ZNF765: variants seen among roughly 807,000 people sequenced by gnomAD.
ZNF765 encodes zinc finger protein 765.
A neutral mutation model predicts 44.7 loss-of-function variants in ZNF765; 37 were observed. The observed-to-expected ratio is 0.83, with a 90% CI of 0.64 to 1.09. ZNF765 has a LOEUF of 1.09. Among genes scored for constraint, ZNF765 ranks in the 50% least tolerant of loss-of-function variants. The pLI is 0.00. For missense variants in ZNF765, 594 were observed against 626.1 expected (o/e 0.95, Z 0.55); for synonymous variants, 201 against 213.7 (o/e 0.94, Z 0.52).
downstream of ZNF765, among the ~76,000 whole-genome samples, chr19:53,414,303 G>T (rs1296514326): frequency 6.7e-6 from 1 of 149,922 alleles, no homozygotes. Context: ...TGCCACAGGG[G>T]AGAACCAGGT....
intron 3 of ZNF765, among the ~76,000 whole-genome samples, chr19:53,420,018 C>T (rs1478077290): frequency 2.1e-5 from 3 of 146,038 alleles, no homozygotes; most frequent in Non-Finnish European, 4.5e-5. Flanking sequence ...CAGATTCCGT[C>T]TCAAAAATAA....
intron 1 of ZNF765, among the ~76,000 whole-genome samples, chr19:53,395,527 A>G (rs1452709995): frequency 6.6e-6 from 1 of 152,200 alleles, no homozygotes; most frequent in African/African-American, 2.4e-5. Flanking sequence ...AGCGCCTCCC[A>G]GTCTCGCCCT....
chr19:53,420,916 G>A (rs1231141635), intron 3 of ZNF765, among the ~76,000 whole-genome samples: 1 of 152,088 alleles, frequency 6.6e-6, no homozygotes, highest in Non-Finnish European at 1.5e-5. Context: ...TCATGGGAAG[G>A]GAAAGACCCC....
chr19:53,406,396 C>G (rs1178962111), intron 3 of ZNF765, among the ~76,000 whole-genome samples: 1 of 151,934 alleles, frequency 6.6e-6, no homozygotes, highest in Non-Finnish European at 1.5e-5. Context: ...AGGTAGTGAT[C>G]TTAACATGTA....
chr19:53,415,933 A>G (rs971914870), downstream of ZNF765, among the ~76,000 whole-genome samples: 7 of 143,356 alleles, frequency 4.9e-5, no homozygotes, highest in Non-Finnish European at 7.6e-5. Context: ...ATCCAAGATA[A>G]CTTTCTTTTG....
In ZNF765 at chr19:53,408,126, G is replaced by C. The variant is rs185751425; in HGVS notation, c.571G>C (p.Asp191His). Residue 191 changes from aspartate (D) to histidine (H), a missense_variant, in exon 4 of 4, where the codon GAC becomes CAC. Physicochemically the swap from Asp to His is moderately conservative, Grantham distance 81. Around this residue, in one of 2 missense-constraint regions of ZNF765, gnomAD observed 567 missense variants for 572.6 expected, o/e 0.99. Transcript: ENST00000396408. ...SCRPETHISN[D>H]YGNNFLNSSL... ...TAGGCCTGAAACCCATATTTCTAAT[G>C]ACTATGGGAATAATTTCCTGAATTC... 1.2e-6 allele frequency: 2 copies of C among 1,614,080 alleles called. No homozygotes were observed. The highest frequency in any genetic ancestry group is 1.7e-5 in the Admixed American group (1 of 60,016).
In ZNF765 at chr19:53,403,416, TG is replaced by T. The variant is rs202205502; in HGVS notation, c.142+1226del. Among the ~76,000 whole-genome samples the T allele has an allele frequency of 7.6e-3, 1,152 of 151,328 alleles. 18 individuals carry two copies. Among genetic ancestry groups the T allele is most frequent in the African/African-American group, 0.027 (1,089 of 40,610 alleles). On this transcript the variant is annotated intron_variant, in intron 3 of 3. Transcript: ENST00000396408. ...CTACTTTTGTGTTTATTTGCTTTTT[TG>T]TGTAGACATGCTTTGACTCCCTTCT...
At chr19:53,422,134 G>C (rs7247814) in intron 3 of ZNF765, among the ~76,000 whole-genome samples, 75,118 of 152,020 alleles carry the variant, frequency 0.49, 18,910 homozygotes, top group Middle Eastern at 0.63. Flanking sequence ...GGAAACCGGT[G>C]AAAAATAAAA....
intron 3 of ZNF765, 110 bp downstream of exon 3, chr19:53,402,301 G>C (rs2085735561): frequency 6.7e-7 from 1 of 1,501,398 alleles, no homozygotes; most frequent in East Asian, 2.3e-5. Context: ...CTGTCGCCCA[G>C]GCTGGAGTGC....
In ZNF765 at chr19:53,408,304, A is replaced by G; in HGVS notation, c.749A>G (p.Lys250Arg). The G allele has an allele frequency of 6.2e-7, 1 of 1,614,232 alleles. No individual in the cohort carries two copies. The highest frequency in any genetic ancestry group is 1.1e-5 in the South Asian group (1 of 91,078). ...EKQYKCDICG[K>R]VFNSKRYVAR... Reference sequence around the variant, plus strand: ...CAATATAAATGCGATATATGTGGCAAGGTCTTTAATTCGAAGCGATACGTT... The same window carrying G: ...CAATATAAATGCGATATATGTGGCAGGGTCTTTAATTCGAAGCGATACGTT... Residue 250 changes from lysine (K) to arginine (R), a missense_variant, in exon 4 of 4, where the codon AAG becomes AGG. Transcript: ENST00000396408.
At chr19:53,424,344 C>T (rs913828929) in exon 4 of ZNF765, 29 of 151,320 alleles carry the variant, frequency 1.9e-4, no homozygotes, top group African/African-American at 7.0e-4. Context: ...CATGGTGGCA[C>T]TTGCCTGTAA....
chr19:53,415,820 G>A (rs2085871518), downstream of ZNF765, among the ~76,000 whole-genome samples: 1 of 152,030 alleles, frequency 6.6e-6, no homozygotes, highest in Non-Finnish European at 1.5e-5. Context: ...TCAAAATACA[G>A]CATGTGAAAT....
exon 4 of ZNF765, chr19:53,425,003 T>G (rs1225417192): frequency 6.6e-6 from 1 of 152,118 alleles, no homozygotes; most frequent in East Asian, 1.9e-4. Flanking sequence ...GGGACTGTTG[T>G]GTGAGAGGGA....
Position 53,401,155 on chromosome 19 carries a change from T to G in ZNF765, c.16-910T>G, listed in dbSNP as rs1164581710. ...AGCTGGGATAACAGGCATGTGCCAC[T>G]GCACCCAGCCAGATTTTAGTTTCTC... is the stretch of plus-strand genomic sequence containing the variant. On this transcript the variant is annotated intron_variant, in intron 2 of 3. Coordinates refer to ENST00000396408, the MANE Select transcript of ZNF765 (RefSeq NM_001040185.3). Among the ~76,000 whole-genome samples the G allele has an allele frequency of 2.6e-5, 4 of 152,214 alleles. No homozygotes were observed. In the East Asian group the frequency reaches 7.7e-4, roughly 29 times the overall value.
chr19:53,404,676 G>A (rs542731630), intron 3 of ZNF765, among the ~76,000 whole-genome samples: 2 of 151,992 alleles, frequency 1.3e-5, no homozygotes, highest in African/African-American at 2.4e-5. Context: ...TAGCCAGTAT[G>A]TTCTTCATCT....
chr19:53,403,240 A>G (rs2085745435), intron 3 of ZNF765, among the ~76,000 whole-genome samples: 1 of 152,026 alleles, frequency 6.6e-6, no homozygotes, highest in South Asian at 2.1e-4. Flanking sequence ...CATGTAGTTG[A>G]TTCCTGTTGA....
In ZNF765 at chr19:53,411,659, C is replaced by G. The variant is rs1354086865; in HGVS notation, c.*2532C>G. On this transcript the variant is annotated 3_prime_UTR_variant, in exon 4 of 4. Coordinates refer to ENST00000396408, the MANE Select transcript of ZNF765 (RefSeq NM_001040185.3). The stretch of plus-strand genomic sequence containing the variant: ...CACATTGGGTTATATAATCATTTAA[C>G]AATATTAATTTTTCCAAACCATAAG... 6.6e-6 allele frequency: 1 copy of G among 152,180 alleles called. No homozygotes were observed. Among genetic ancestry groups the G allele is most frequent in the Non-Finnish European group, 1.5e-5 (1 of 68,096 alleles). The allele number at this position is 152,180 out of a possible 1,614,324, so 9.4% of individuals were successfully genotyped here.
In ZNF765 at chr19:53,410,279, T is replaced by C; in HGVS notation, c.*1152T>C. The C allele has an allele frequency of 2.8e-6, 1 of 360,774 alleles. No homozygotes were observed. The highest frequency in any genetic ancestry group is 4.0e-5 in the Admixed American group (1 of 25,132). The allele number at this position is 360,774 out of a possible 1,614,324, so 22.3% of individuals were successfully genotyped here. A position where few individuals can be genotyped will look rare whatever the true frequency, so the allele number is the denominator to read the frequency against. On this transcript the variant is annotated 3_prime_UTR_variant, in exon 4 of 4. Transcript: ENST00000396408. ...TACAAATGTGAAGCATGTGACAAAG[T>C]TTACAGTCGCAAATCAAGCCTCCAA...
chr19:53,420,752 G>A (rs181168025), intron 3 of ZNF765, among the ~76,000 whole-genome samples: 1 of 152,300 alleles, frequency 6.6e-6, no homozygotes, highest in Admixed American at 6.5e-5. Flanking sequence ...TTAAAAAAGT[G>A]CTTGCAGGCA....
Sources: gnomAD v4.1 joint callset for allele counts (sites outside exome capture counted in the v4.1 genomes callset) on GRCh38, gnomAD v4.1.1 for gene constraint, gnomAD v4.1.1 regional missense constraint, MANE v1.5 for transcripts, NCBI Gene and HGNC (gene_info 2026-07-23, HGNC 2026-07-21) for gene names.